GABRA2: variants seen among roughly 807,000 people sequenced by gnomAD.
GABRA2 encodes the protein gamma-aminobutyric acid receptor subunit alpha-2.
GABRA2 carries 16 observed loss-of-function variants against 48.7 expected under a neutral mutation model. The ratio of observed to expected loss-of-function variants is 0.33; its 90% CI spans 0.22 to 0.50. GABRA2 has a LOEUF of 0.50. GABRA2 is among the 20% of genes least tolerant of loss of function. GABRA2 has a pLI of 0.98. For missense variants in GABRA2, 275 were observed against 535.6 expected, an observed-to-expected ratio of 0.51 and a Z score of 4.80; for synonymous variants, 185 against 184.5, an observed-to-expected ratio of 1.00 and a Z score of -0.02.
chr4:46,378,087 G>A (rs749341011), intron 3 of GABRA2, among the ~76,000 whole-genome samples: 889 of 120,294 alleles, frequency 7.4e-3, no homozygotes, highest in African/African-American at 0.011. Context: ...GGTGAGGGGC[G>A]CCTCTGCCCG....
chr4:46,348,228 C>A (rs1024555169), intron 3 of GABRA2, among the ~76,000 whole-genome samples: 29 of 151,964 alleles, frequency 1.9e-4, no homozygotes, highest in African/African-American at 5.8e-4. Context: ...CAATGAGATA[C>A]CATCTCACAC....
chr4:46,348,692 G>T (rs551038080), intron 3 of GABRA2, among the ~76,000 whole-genome samples: 2 of 145,932 alleles, frequency 1.4e-5, no homozygotes, highest in African/African-American at 2.5e-5. Flanking sequence ...ACCAAACACC[G>T]CATGTTCTCA....
intron 3 of GABRA2, among the ~76,000 whole-genome samples, chr4:46,385,540 G>A (rs1480897336): frequency 6.6e-6 from 1 of 152,008 alleles, no homozygotes; most frequent in Non-Finnish European, 1.5e-5. Flanking sequence ...TATCTGAAAT[G>A]TCTTTGAAAG....
chr4:46,384,202 A>G (rs1717143278), intron 3 of GABRA2, among the ~76,000 whole-genome samples: 1 of 152,136 alleles, frequency 6.6e-6, no homozygotes, highest in Admixed American at 6.6e-5. Flanking sequence ...ACCATCTACC[A>G]AAGGAAATGG....
chr4:46,310,006 T>C (rs1388695043), intron 6 of GABRA2, among the ~76,000 whole-genome samples, 167 bp downstream of exon 6: 2 of 152,160 alleles, frequency 1.3e-5, no homozygotes, highest in African/African-American at 4.8e-5. Flanking sequence ...TATAATAATA[T>C]TTGAGAGATG....
intron 3 of GABRA2, among the ~76,000 whole-genome samples, chr4:46,335,618 C>T (rs994193497): frequency 7.9e-5 from 12 of 152,102 alleles, no homozygotes; most frequent in African/African-American, 1.7e-4. Flanking sequence ...GGACTACAGA[C>T]GCACACCACG....
At chr4:46,250,682 T>C (rs1714571843) in intron 9 of GABRA2, 78 bp from the exon 10 acceptor site, 1 of 1,046,482 alleles carries the variant, frequency 9.6e-7, no homozygotes, top group Non-Finnish European at 1.4e-6. Context: ...CTTCAAATTC[T>C]GAAGGAAGGT....
intron 3 of GABRA2, among the ~76,000 whole-genome samples, chr4:46,379,852 C>A (rs540100298): frequency 6.6e-6 from 1 of 152,260 alleles, no homozygotes; most frequent in East Asian, 1.9e-4. Context: ...AACAGCTCAG[C>A]TCAATCTCTT....
intron 3 of GABRA2, among the ~76,000 whole-genome samples, chr4:46,385,441 A>G (rs1489191887): frequency 6.6e-6 from 1 of 151,976 alleles, no homozygotes; most frequent in Admixed American, 6.5e-5. Flanking sequence ...AATTTTCTGA[A>G]TATTTATTTT....
intron 3 of GABRA2, among the ~76,000 whole-genome samples, chr4:46,357,508 A>C (rs1044949881): frequency 6.6e-6 from 1 of 150,666 alleles, no homozygotes; most frequent in African/African-American, 2.5e-5. Context: ...CAATTTATTT[A>C]ACTTCTTAGT....
chr4:46,346,265 G>GGAAC (rs1352641526), intron 3 of GABRA2, among the ~76,000 whole-genome samples: 5 of 151,764 alleles, frequency 3.3e-5, no homozygotes, highest in African/African-American at 1.2e-4. Context: ...CTACCACTAA[G>GGAAC]GAACGCTTGC....
At position 46,262,942 on chromosome 4, in the gene GABRA2, G is replaced by A. The variant is rs796984351; in HGVS notation, c.857-814C>T. On this transcript the variant is annotated intron_variant, in intron 8 of 9. Coordinates refer to ENST00000381620, the MANE Select transcript of GABRA2 (RefSeq NM_000807.4). ...AAGAGAGAGAGAAAGAAAGAAGAAA[G>A]AAAGAAAGAAAGAAAGAGAGAGAGA... is the stretch of plus-strand genomic sequence containing the variant. Among the ~76,000 whole-genome samples, 628 of 68,892 alleles carry A rather than the reference G, an allele frequency of 9.1e-3. 6 individuals are homozygous for A. The highest frequency in any genetic ancestry group is 0.036 in the African/African-American group (578 of 16,000). The allele number at this position is 68,892 out of a possible 152,430, so 45.2% of individuals were successfully genotyped here.
At position 46,382,177 on chromosome 4, in the gene GABRA2, T is replaced by TAC. The variant is rs36024364; in HGVS notation, c.187+3895_187+3896dup. ...TAAATTATATATATATACACAAACA[T>TAC]ACACACACACACACACATATATATA... On this transcript the variant is annotated intron_variant, in intron 3 of 9. Coordinates refer to ENST00000381620, the MANE Select transcript of GABRA2 (RefSeq NM_000807.4). Among the ~76,000 whole-genome samples, 1,274 of 140,856 alleles carry TAC rather than the reference T, an allele frequency of 9.0e-3. 13 individuals are homozygous for TAC. Among genetic ancestry groups the TAC allele is most frequent in the African/African-American group, 0.027 (999 of 37,458 alleles). The allele number at this position is 140,856 out of a possible 152,430, so 92.4% of individuals were successfully genotyped here. A position where few individuals can be genotyped will look rare whatever the true frequency, so the allele number is the denominator to read the frequency against.
At chr4:46,368,886 T>C in intron 3 of GABRA2, 1 of 552,100 alleles carries the variant, frequency 1.8e-6, no homozygotes, top group Non-Finnish European at 3.3e-6. Flanking sequence ...AGTTCTTCAA[T>C]CTCCATTATG....
At position 46,319,969 on chromosome 4, in the gene GABRA2, T is replaced by TA. The variant is rs545834512; in HGVS notation, c.256-7254dup. 1.9e-4 allele frequency among the ~76,000 whole-genome samples: 29 copies of TA among 151,606 alleles called. No homozygotes were observed. The East Asian group carries it at 3.1e-3, about 16-fold the overall frequency. The stretch of plus-strand genomic sequence containing the variant: ...AAATACTTCAAAAGCAATATTTACT[T>TA]AAAAAAAAGACAGAGAGGCAAGATT... On this transcript the variant is annotated intron_variant, in intron 4 of 9. Transcript: ENST00000381620.
chr4:46,330,578 A>ATC (rs1414545480), intron 4 of GABRA2, among the ~76,000 whole-genome samples: 5 of 131,942 alleles, frequency 3.8e-5, no homozygotes, highest in Non-Finnish European at 6.7e-5. Context: ...ATATATATAT[A>ATC]TATATATATA....
rs182607372 is a variant in GABRA2, at chr4:46,337,038, G to T, written c.188-4356C>A. The stretch of plus-strand genomic sequence containing the variant: ...TGCAAAACTATGAAAGAACAAAATT[G>T]ATGTTCAATTATGATTTATTTTACG... On this transcript the variant is annotated intron_variant, in intron 3 of 9. Transcript: ENST00000381620. 2.6e-4 allele frequency among the ~76,000 whole-genome samples: 39 copies of T among 152,110 alleles called. No individual in the cohort carries two copies. The East Asian group carries it at 6.8e-3, about 26-fold the overall frequency.
chr4:46,280,326 A>G (rs1046355830), intron 8 of GABRA2, among the ~76,000 whole-genome samples: 3 of 152,190 alleles, frequency 2.0e-5, no homozygotes, highest in African/African-American at 7.2e-5. Context: ...TACCTGAGAA[A>G]AGAGAGGTCC....
intron 2 of GABRA2, among the ~76,000 whole-genome samples, chr4:46,388,231 A>AG (rs1717742364): frequency 6.6e-6 from 1 of 152,000 alleles, no homozygotes; most frequent in Non-Finnish European, 1.5e-5. Flanking sequence ...AAAAAAGAAA[A>AG]GAAAAAGGAA....
Sources: allele counts gnomAD v4.1 joint callset (sites outside exome capture counted in the v4.1 genomes callset), GRCh38; gene constraint gnomAD v4.1.1; transcripts MANE v1.5; gene names NCBI Gene and HGNC (gene_info 2026-07-23, HGNC 2026-07-21).